Variants in RHOBTB1 observed in about 807,000 individuals in gnomAD.
RHOBTB1 encodes the protein Rho related BTB domain containing 1.
A neutral mutation model predicts 71.6 loss-of-function variants in RHOBTB1; 40 were observed. That is an observed-to-expected ratio of 0.56 (90% confidence interval 0.43 to 0.73). The LOEUF (loss-of-function observed/expected upper bound fraction) is 0.73, where lower values mean the gene tolerates loss of function less well. Among genes scored for constraint, RHOBTB1 ranks in the 30% least tolerant of loss-of-function variants. The probability of loss-of-function intolerance (pLI) is 0.00; values close to 1 mark genes in which losing one functional copy is unlikely to be tolerated. For missense variants in RHOBTB1, 797 were observed against 894.0 expected, an observed-to-expected ratio of 0.89 and a Z score of 1.38; for synonymous variants, 319 against 334.9, an observed-to-expected ratio of 0.95 and a Z score of 0.52.
intron 2 of RHOBTB1, among the ~76,000 whole-genome samples, chr10:60,960,969 G>C (rs1014074704): frequency 2.6e-5 from 4 of 152,056 alleles, no homozygotes; most frequent in Non-Finnish European, 5.9e-5. Context: ...GGGGTTCGTG[G>C]GGGTGGAGGG....
At chr10:60,919,033 A>G (rs982513660) in intron 2 of RHOBTB1, among the ~76,000 whole-genome samples, 1 of 152,212 alleles carries the variant, frequency 6.6e-6, no homozygotes, top group African/African-American at 2.4e-5. Flanking sequence ...GGCATGAGCC[A>G]ACATGCCTGG....
At chr10:60,944,281 A>C (rs1368919322), upstream of RHOBTB1, 1 of 151,940 alleles carries the variant, frequency 6.6e-6, no homozygotes, top group Non-Finnish European at 1.5e-5. Context: ...GGAACGGAGC[A>C]CCCGGCACCT....
chr10:60,897,097 G>A (rs1403112366), intron 4 of RHOBTB1, among the ~76,000 whole-genome samples: 1 of 151,794 alleles, frequency 6.6e-6, no homozygotes, highest in African/African-American at 2.4e-5. Context: ...TTTGTTGGAG[G>A]ATTAAAGAAA....
At chr10:60,886,314 C>T in intron 6 of RHOBTB1, 84 bp from the exon 7 acceptor site, 1 of 875,312 alleles carries the variant, frequency 1.1e-6, no homozygotes, top group East Asian at 2.4e-5. Flanking sequence ...AGCCACCAAA[C>T]TGCGACTCCC....
At chr10:60,884,884 T>C (rs1345103404) in intron 7 of RHOBTB1, among the ~76,000 whole-genome samples, 1 of 152,104 alleles carries the variant, frequency 6.6e-6, no homozygotes, top group African/African-American at 2.4e-5. Context: ...AAAGTTTCAC[T>C]TAGATGGGAG....
intron 2 of RHOBTB1, among the ~76,000 whole-genome samples, chr10:60,968,618 AT>A (rs1426510412): frequency 1.3e-5 from 2 of 152,102 alleles, no homozygotes; most frequent in Non-Finnish European, 2.9e-5. Flanking sequence ...TGTGGATCTG[AT>A]TTTCAAAATG....
At position 60,880,177 on chromosome 10, in the gene RHOBTB1, CTG is replaced by C. The variant is rs1554829436; in HGVS notation, c.1576-2121_1576-2120del. Among the ~76,000 whole-genome samples, 89 of 100,614 alleles carry C rather than the reference CTG, an allele frequency of 8.8e-4. 1 individual carries two copies. The highest frequency in any genetic ancestry group is 2.3e-3 in the African/African-American group (55 of 23,894). The allele number at this position is 100,614 out of a possible 152,430, so 66.0% of individuals were successfully genotyped here. A position where few individuals can be genotyped will look rare whatever the true frequency, so the allele number is the denominator to read the frequency against. ...GTCCCTCACAGATACTGAGGGATGA[CTG>C]TGTGTGTGTGTGTGTGTGTGTGTGA... On this transcript the variant is annotated intron_variant, in intron 7 of 10. Coordinates refer to ENST00000337910, the MANE Select transcript of RHOBTB1 (RefSeq NM_014836.5).
chr10:60,889,802 T>C (rs1029666377), intron 5 of RHOBTB1, among the ~76,000 whole-genome samples: 3 of 152,342 alleles, frequency 2.0e-5, no homozygotes, highest in African/African-American at 7.2e-5. Flanking sequence ...AATTATATCT[T>C]GAAGGACTAT....
At chr10:60,991,161 T>TC (rs1311378296) in intron 1 of RHOBTB1, among the ~76,000 whole-genome samples, 2 of 152,098 alleles carry the variant, frequency 1.3e-5, no homozygotes, top group Admixed American at 1.3e-4. Context: ...TGCATACTCT[T>TC]CCCCCTTGCC....
intron 2 of RHOBTB1, among the ~76,000 whole-genome samples, chr10:60,934,564 A>G (rs772278027): frequency 5.9e-5 from 9 of 152,242 alleles, no homozygotes; most frequent in Non-Finnish European, 1.3e-4. Context: ...CTTCAAATAA[A>G]TAGAGTTTAA....
chr10:60,995,110 T>C (rs1236909237), intron 1 of RHOBTB1, among the ~76,000 whole-genome samples: 1 of 152,048 alleles, frequency 6.6e-6, no homozygotes, highest in Non-Finnish European at 1.5e-5. Flanking sequence ...CATTATTAGA[T>C]GCTTTCTTGA....
intron 1 of RHOBTB1, among the ~76,000 whole-genome samples, chr10:60,987,344 A>T (rs990554501): frequency 6.6e-6 from 1 of 151,996 alleles, no homozygotes; most frequent in African/African-American, 2.4e-5. Context: ...ATCTTTTTGG[A>T]TGCTTCATCC....
At chr10:60,941,223 A>T (rs76526069) in intron 2 of RHOBTB1, among the ~76,000 whole-genome samples, 9,857 of 152,220 alleles carry the variant, frequency 0.065, 564 homozygotes, top group African/African-American at 0.15. Flanking sequence ...AAAACTTTTT[A>T]AAAAATCCTA....
intron 2 of RHOBTB1, among the ~76,000 whole-genome samples, chr10:60,967,634 T>C (rs2086017209): frequency 6.6e-6 from 1 of 152,072 alleles, no homozygotes; most frequent in South Asian, 2.1e-4. Context: ...AGACTACTAT[T>C]GCAGAGAGGG....
At chr10:60,872,677 A>T (rs2080856267) in intron 9 of RHOBTB1, among the ~76,000 whole-genome samples, 1 of 152,186 alleles carries the variant, frequency 6.6e-6, no homozygotes, top group East Asian at 1.9e-4. Context: ...GCAATGGAAT[A>T]CTTCGTGTCG....
At chr10:60,872,564 C>T (rs1432333636) in intron 9 of RHOBTB1, among the ~76,000 whole-genome samples, 2 of 151,970 alleles carry the variant, frequency 1.3e-5, no homozygotes, top group African/African-American at 4.8e-5. Context: ...CCCTCCCGCC[C>T]TCCCCTGCCA....
Position 60,996,855 on chromosome 10 carries a change from A to T in RHOBTB1, c.-163+4544T>A, listed in dbSNP as rs182930891. On this transcript the variant is annotated intron_variant, in intron 1 of 11. Coordinates refer to the RHOBTB1 transcript ENST00000357917. ...CATCCTGTATTTGATTTGCAAACTT[A>T]TCCTGAATGTTTTGTGGATATTAAT... is the stretch of plus-strand genomic sequence containing the variant. 1.6e-4 allele frequency among the ~76,000 whole-genome samples: 25 copies of T among 152,306 alleles called. No homozygotes were observed. In the East Asian group the frequency reaches 4.6e-3, roughly 28 times the overall value.
intron 2 of RHOBTB1, among the ~76,000 whole-genome samples, chr10:60,981,408 G>A (rs773169397): frequency 2.3e-4 from 35 of 152,126 alleles, no homozygotes; most frequent in African/African-American, 3.6e-4. Context: ...TTAAACAGAT[G>A]AAGAAACTGA....
chr10:60,943,161 G>A (rs2085005902), intron 1 of RHOBTB1, among the ~76,000 whole-genome samples: 1 of 152,214 alleles, frequency 6.6e-6, no homozygotes, highest in African/African-American at 2.4e-5. Flanking sequence ...CGTGCAAAGC[G>A]AAGTCAAAAC....
Sources: allele counts gnomAD v4.1 joint callset (sites outside exome capture counted in the v4.1 genomes callset), GRCh38; gene constraint gnomAD v4.1.1; transcripts MANE v1.5; gene names NCBI Gene and HGNC (gene_info 2026-07-23, HGNC 2026-07-21).